WNT5B: variants seen among roughly 807,000 people sequenced by gnomAD.
WNT5B encodes the protein protein Wnt-5b.
Under a neutral mutation model 36.5 loss-of-function variants are expected in WNT5B, and 18 were observed. The observed-to-expected ratio is 0.49, with a 90% CI of 0.34 to 0.73. WNT5B has a LOEUF of 0.73. Among genes scored for constraint, WNT5B ranks in the 30% least tolerant of loss-of-function variants. The probability of loss-of-function intolerance (pLI) is 0.01; values close to 1 mark genes in which losing one functional copy is unlikely to be tolerated. For missense variants in WNT5B, 424 were observed against 508.4 expected (o/e 0.83, Z 1.60); for synonymous variants, 213 against 212.3 (o/e 1.00, Z -0.03).
chr12:1,624,990 G>A (rs1203215691), upstream of WNT5B, among the ~76,000 whole-genome samples: 6 of 152,070 alleles, frequency 3.9e-5, no homozygotes, highest in African/African-American at 9.7e-5. Context: ...GAGCCTGGAT[G>A]TGAAAGTAGT....
At chr12:1,627,042 G>T (rs1274328621), upstream of WNT5B, among the ~76,000 whole-genome samples, 1 of 152,120 alleles carries the variant, frequency 6.6e-6, no homozygotes, top group Non-Finnish European at 1.5e-5. The surrounding 1 kb of genome is among the most constrained non-coding windows in gnomAD (Gnocchi z 5.0). Context: ...AGCATATGAG[G>T]GAAAGAAACA....
chr12:1,631,864 C>T (rs1476927402), intron 2 of WNT5B, among the ~76,000 whole-genome samples: 2 of 152,134 alleles, frequency 1.3e-5, no homozygotes, highest in African/African-American at 2.4e-5. Flanking sequence ...TGGCTTTCTT[C>T]TTATGTTTTA....
At chr12:1,635,484 G>A (rs541120200) in intron 3 of WNT5B, among the ~76,000 whole-genome samples, 10 of 152,344 alleles carry the variant, frequency 6.6e-5, no homozygotes, top group East Asian at 1.9e-4. Flanking sequence ...ATAAGGAGGC[G>A]TATTTCAGCT....
upstream of WNT5B, among the ~76,000 whole-genome samples, chr12:1,627,046 A>G (rs76421270): frequency 0.025 from 3,790 of 152,320 alleles, 147 homozygotes; most frequent in African/African-American, 0.085. This position sits in a 1 kb window ranked among gnomAD's most constrained non-coding sequence, Gnocchi z 5.0. Context: ...TATGAGGGAA[A>G]GAAACAAAAC....
At chr12:1,645,732 C>T in intron 4 of WNT5B, 62 bp from the exon 5 acceptor site, 1 of 1,498,134 alleles carries the variant, frequency 6.7e-7, no homozygotes, top group Non-Finnish European at 9.0e-7. Context: ...GCTACCCCAG[C>T]CACCCTCTGG....
chr12:1,629,819 G>C (rs1466215207), intron 1 of WNT5B: 2 of 150,058 alleles, frequency 1.3e-5, no homozygotes, highest in African/African-American at 4.9e-5. Flanking sequence ...GAGAGGAGAG[G>C]GGGAGGGGCA....
chr12:1,619,667 A>C (rs2094531233), intron 1 of WNT5B, among the ~76,000 whole-genome samples: 1 of 152,130 alleles, frequency 6.6e-6, no homozygotes, highest in Non-Finnish European at 1.5e-5. Context: ...AAAAAGTGAG[A>C]CAGAGGGTGA....
Position 1,644,328 on chromosome 12 carries a change from C to G in WNT5B, c.622-1466C>G, listed in dbSNP as rs2094581404. Among the ~76,000 whole-genome samples the G allele has an allele frequency of 6.6e-6, 1 of 152,140 alleles. No individual in the cohort carries two copies. The highest frequency in any genetic ancestry group is 1.5e-5 in the Non-Finnish European group (1 of 68,024). On this transcript the variant is annotated intron_variant, in intron 4 of 4. Coordinates refer to ENST00000397196, the MANE Select transcript of WNT5B (RefSeq NM_032642.3). This position sits in a 1 kb window ranked among gnomAD's most constrained non-coding sequence, Gnocchi z 5.1. ...GGAGAGCCTTCCTTCCTCCTCTGCT[C>G]TAAGCCAGCTTTAAGCCCCGAGATT... is the stretch of plus-strand genomic sequence containing the variant.
upstream of WNT5B, among the ~76,000 whole-genome samples, chr12:1,625,311 G>A (rs949997648): frequency 1.3e-5 from 2 of 152,202 alleles, no homozygotes; most frequent in African/African-American, 4.8e-5. Context: ...GTGTTCAGAT[G>A]CCAGAAGGGT....
At chr12:1,635,035 T>G (rs2094558107) in intron 3 of WNT5B, among the ~76,000 whole-genome samples, 1 of 152,224 alleles carries the variant, frequency 6.6e-6, no homozygotes, top group Non-Finnish European at 1.5e-5. Flanking sequence ...TTATCCATTC[T>G]GAAGCCCCGA....
In WNT5B at chr12:1,633,343, C is replaced by G. The variant is rs2270031; in HGVS notation, c.328+438C>G. Among the ~76,000 whole-genome samples the G allele has an allele frequency of 0.074, 11,317 of 152,250 alleles. 723 individuals are homozygous for G. The highest frequency in any genetic ancestry group is 0.28 in the East Asian group (1,441 of 5,176). On this transcript the variant is annotated intron_variant, in intron 3 of 4. Coordinates refer to ENST00000397196, the MANE Select transcript of WNT5B (RefSeq NM_032642.3). The surrounding 1 kb of genome is among the most constrained non-coding windows in gnomAD (Gnocchi z 4.8). ...TGTTGGATTTTTGCCTCTTCCACTT[C>G]AACCTTTGACAGAGAGATAGAAATG... is the stretch of plus-strand genomic sequence containing the variant.
rs1191673157 is a variant in WNT5B at position 1,643,800 on chromosome 12, G to A, written c.622-1994G>A. Among the ~76,000 whole-genome samples, 6 of 135,082 alleles carry A rather than the reference G, an allele frequency of 4.4e-5. No individual in the cohort carries two copies. The Admixed American group carries it at 5.0e-4, about 11-fold the overall frequency. The allele number at this position is 135,082 out of a possible 152,430, so 88.6% of individuals were successfully genotyped here. A position where few individuals can be genotyped will look rare whatever the true frequency, so the allele number is the denominator to read the frequency against. On this transcript the variant is annotated intron_variant, in intron 4 of 4. Transcript: ENST00000397196. Reference sequence around the variant, plus strand: ...ATATATATATATATCTACAAAAGGAGATTTTGTATATATACATATATATAT... The same window carrying A: ...ATATATATATATATCTACAAAAGGAAATTTTGTATATATACATATATATAT...
chr12:1,641,068 T>C (rs1408061183), intron 4 of WNT5B, among the ~76,000 whole-genome samples: 2 of 152,106 alleles, frequency 1.3e-5, no homozygotes, highest in African/African-American at 4.8e-5. Context: ...CGAGGTAATG[T>C]AACAAAGATG....
At chr12:1,642,528 G>A (rs1021230825) in intron 4 of WNT5B, among the ~76,000 whole-genome samples, 1 of 152,174 alleles carries the variant, frequency 6.6e-6, no homozygotes, top group East Asian at 1.9e-4. Context: ...TGTGCTGTAT[G>A]TGGGTGGGAC....
chr12:1,634,680 C>A (rs141996233), intron 3 of WNT5B, among the ~76,000 whole-genome samples: 11 of 152,306 alleles, frequency 7.2e-5, no homozygotes, highest in African/African-American at 2.2e-4. Context: ...CTTCCTCCCC[C>A]CTGAGCCCAG....
chr12:1,639,609 G>A, intron 3 of WNT5B, 75 bp from the exon 4 acceptor site: 4 of 1,419,026 alleles, frequency 2.8e-6, no homozygotes, highest in Non-Finnish European at 3.7e-6. Context: ...CGGGTCCGTC[G>A]GGGGAGACGG....
intron 3 of WNT5B, among the ~76,000 whole-genome samples, chr12:1,639,078 C>A (rs576031228): frequency 1.3e-5 from 2 of 152,294 alleles, no homozygotes; most frequent in South Asian, 4.1e-4. Context: ...GCAGGTCACA[C>A]AGGCTCTTCT....
chr12:1,637,886 G>C (rs1318324676), intron 3 of WNT5B, among the ~76,000 whole-genome samples: 6 of 151,770 alleles, frequency 4.0e-5, no homozygotes, highest in Admixed American at 3.9e-4. Context: ...CACAAAGTAA[G>C]TACATGCTGT....
chr12:1,641,937 T>C (rs549779115), intron 4 of WNT5B, among the ~76,000 whole-genome samples: 5 of 152,270 alleles, frequency 3.3e-5, no homozygotes, highest in Non-Finnish European at 7.3e-5. Flanking sequence ...GGTGCACCTG[T>C]GTGCATAGCA....
Sources: gnomAD v4.1 joint callset for allele counts (sites outside exome capture counted in the v4.1 genomes callset) on GRCh38, gnomAD v4.1.1 for gene constraint, Gnocchi (gnomAD v3.1) non-coding constraint, MANE v1.5 for transcripts, NCBI Gene and HGNC (gene_info 2026-07-23, HGNC 2026-07-21) for gene names.